Variants in CAMTA1 observed in about 807,000 individuals in gnomAD.
The protein encoded by CAMTA1 is calmodulin binding transcription activator 1, also known as calmodulin-binding transcription activator 1.
CAMTA1 carries 27 observed loss-of-function variants against 170.9 expected under a neutral mutation model. The observed-to-expected ratio is 0.16, with a 90% CI of 0.12 to 0.22. The LOEUF (loss-of-function observed/expected upper bound fraction) is 0.22. Among genes scored for constraint, CAMTA1 ranks in the 10% least tolerant of loss-of-function variants. CAMTA1 has a pLI of 1.00. For missense variants in CAMTA1, 1,619 were observed against 2,217.2 expected, an observed-to-expected ratio of 0.73 and a Z score of 5.42; for synonymous variants, 833 against 891.5, an observed-to-expected ratio of 0.93 and a Z score of 1.17.
chr1:7,601,400 G>A (rs1282961594), intron 6 of CAMTA1, among the ~76,000 whole-genome samples: 3 of 151,982 alleles, frequency 2.0e-5, no homozygotes, highest in Non-Finnish European at 1.5e-5. Flanking sequence ...TGGCAGAGAC[G>A]CTCCTCACTT....
chr1:7,625,692 C>T (rs1367803589), intron 6 of CAMTA1, among the ~76,000 whole-genome samples: 2 of 152,236 alleles, frequency 1.3e-5, no homozygotes, highest in Admixed American at 6.5e-5. Context: ...CTCCAGCCAG[C>T]GACTTCAGGA....
chr1:7,282,732 A>G (rs1671696558), intron 5 of CAMTA1, among the ~76,000 whole-genome samples: 1 of 152,076 alleles, frequency 6.6e-6, no homozygotes. Context: ...AGGGAAATAG[A>G]TTGGGCAGGG....
intron 5 of CAMTA1, among the ~76,000 whole-genome samples, chr1:7,453,284 G>T (rs570712893): frequency 6.6e-6 from 1 of 152,360 alleles, no homozygotes; most frequent in East Asian, 1.9e-4. Flanking sequence ...GCCACACGGG[G>T]TGACTGTGGC....
intron 4 of CAMTA1, among the ~76,000 whole-genome samples, chr1:7,168,341 C>A (rs1408813494): frequency 1.3e-5 from 2 of 152,154 alleles, no homozygotes; most frequent in Non-Finnish European, 2.9e-5. Context: ...TCTTGCATTA[C>A]TGAGCAGATT....
At chr1:7,225,430 C>A (rs1352336209) in intron 4 of CAMTA1, among the ~76,000 whole-genome samples, 2 of 152,182 alleles carry the variant, frequency 1.3e-5, no homozygotes, top group Non-Finnish European at 2.9e-5. Flanking sequence ...GTCACCCTTT[C>A]CCTCCCCACC....
intron 6 of CAMTA1, among the ~76,000 whole-genome samples, chr1:7,627,881 A>C (rs1217884385): frequency 1.3e-5 from 2 of 152,256 alleles, no homozygotes. Context: ...GGTCTGAAGA[A>C]ATGCTAGTTC....
rs546465113 is a variant in CAMTA1 at position 7,488,602 on chromosome 1, G to A, written c.510+20701G>A. Among the ~76,000 whole-genome samples, 24 of 152,156 alleles carry A rather than the reference G, an allele frequency of 1.6e-4. No individual in the cohort carries two copies. In the East Asian group the frequency reaches 3.1e-3, roughly 20 times the overall value. The stretch of plus-strand genomic sequence containing the variant: ...TACACATGTGTACACATACATGCAT[G>A]ATACATGTAACACATACACATACAA... On this transcript the variant is annotated intron_variant, in intron 6 of 22. Transcript: ENST00000303635.
intron 3 of CAMTA1, among the ~76,000 whole-genome samples, chr1:7,047,989 C>T (rs554059342): frequency 3.7e-4 from 56 of 152,246 alleles, no homozygotes; most frequent in Middle Eastern, 3.4e-3. Flanking sequence ...TCACCCTACC[C>T]CCTAGCTGAT....
chr1:7,492,046 C>T (rs763584006), intron 6 of CAMTA1, among the ~76,000 whole-genome samples: 14 of 152,140 alleles, frequency 9.2e-5, no homozygotes, highest in Admixed American at 6.5e-4. Flanking sequence ...CACTCCCTGG[C>T]TCTAGGGTGG....
At chr1:7,684,926 A>G (rs1003482157) in intron 11 of CAMTA1, among the ~76,000 whole-genome samples, 73 of 152,184 alleles carry the variant, frequency 4.8e-4, no homozygotes, top group African/African-American at 1.7e-3. Flanking sequence ...TTTGTTGTGC[A>G]CGGGGTTCTG....
At chr1:7,161,243 A>G (rs982136689) in intron 4 of CAMTA1, among the ~76,000 whole-genome samples, 1 of 151,880 alleles carries the variant, frequency 6.6e-6, no homozygotes, top group African/African-American at 2.4e-5. Flanking sequence ...CCCTTTTCCT[A>G]TGGGCTTTCA....
intron 4 of CAMTA1, among the ~76,000 whole-genome samples, chr1:7,169,089 A>G (rs1396045609): frequency 6.6e-6 from 1 of 152,206 alleles, no homozygotes; most frequent in Non-Finnish European, 1.5e-5. Context: ...AACATTATGA[A>G]TTATAGTTAT....
chr1:6,978,662 A>G (rs114067520), intron 3 of CAMTA1, among the ~76,000 whole-genome samples: 194 of 149,220 alleles, frequency 1.3e-3, no homozygotes, highest in Non-Finnish European at 2.6e-3. Flanking sequence ...AGTTAATATT[A>G]TATTTTTATA....
At chr1:7,672,653 G>A (rs1024903888) in intron 10 of CAMTA1, among the ~76,000 whole-genome samples, 3 of 151,928 alleles carry the variant, frequency 2.0e-5, no homozygotes, top group Non-Finnish European at 4.4e-5. Flanking sequence ...AACTCCTGAC[G>A]CAAGTGATCC....
chr1:6,905,977 G>A (rs1324582566), intron 3 of CAMTA1, among the ~76,000 whole-genome samples: 1 of 152,212 alleles, frequency 6.6e-6, no homozygotes, highest in Admixed American at 6.5e-5. Context: ...CCTTCAGATA[G>A]ATGTCCTGAA....
rs1431088607 is a variant in CAMTA1 at position 7,534,300 on chromosome 1, A to G, written c.510+66399A>G. Among the ~76,000 whole-genome samples the G allele has an allele frequency of 2.0e-5, 3 of 152,178 alleles. No individual in the cohort carries two copies. The highest frequency in any genetic ancestry group is 1.3e-4 in the Admixed American group (2 of 15,284). ...GGCCGAGGCTGGGGGCCGCGGGGCT[A>G]TTTTTAGTTTGCGTCAACATCCCCC... On this transcript the variant is annotated intron_variant, in intron 6 of 22. Transcript: ENST00000303635. This position sits in a 1 kb window ranked among gnomAD's most constrained non-coding sequence, Gnocchi z 5.6.
chr1:6,896,659 A>G (rs952846665), intron 3 of CAMTA1, among the ~76,000 whole-genome samples: 2 of 152,136 alleles, frequency 1.3e-5, no homozygotes, highest in Non-Finnish European at 2.9e-5. Context: ...CCTTCCCTAA[A>G]GAAGCTGATG....
Position 7,286,791 on chromosome 1 carries a change from A to G in CAMTA1, c.438+37165A>G, listed in dbSNP as rs1294709493. The stretch of plus-strand genomic sequence containing the variant: ...GAAAGAGTGAAAATCCCAGCTCTAC[A>G]CTTCTGAGTAGTAAGATATCAGGCA... On this transcript the variant is annotated intron_variant, in intron 5 of 22. Transcript: ENST00000303635. The surrounding 1 kb of genome is among the most constrained non-coding windows in gnomAD (Gnocchi z 4.2). Among the ~76,000 whole-genome samples, 1 of 152,160 alleles carries G rather than the reference A, an allele frequency of 6.6e-6. No homozygotes were observed.
chr1:7,203,816 A>G (rs1260176557), intron 4 of CAMTA1, among the ~76,000 whole-genome samples: 1 of 144,808 alleles, frequency 6.9e-6, no homozygotes, highest in Non-Finnish European at 1.5e-5. Flanking sequence ...TGTTTCATCA[A>G]TTTTCTTTAC....
Sources: gnomAD v4.1 joint callset for allele counts (sites outside exome capture counted in the v4.1 genomes callset) on GRCh38, gnomAD v4.1.1 for gene constraint, Gnocchi (gnomAD v3.1) non-coding constraint, MANE v1.5 for transcripts, NCBI Gene and HGNC (gene_info 2026-07-23, HGNC 2026-07-21) for gene names.